The following RNF144B variants were observed in gnomAD, a reference collection of about 807,000 sequenced individuals.
RNF144B encodes E3 ubiquitin-protein ligase RNF144B.
RNF144B carries 25 observed loss-of-function variants against 40.2 expected under a neutral mutation model. The ratio of observed to expected loss-of-function variants is 0.62; its 90% confidence interval spans 0.45 to 0.87. RNF144B has a LOEUF of 0.87. Ranked by LOEUF, RNF144B falls within the 40% of genes least tolerant of loss-of-function variation. The pLI is 0.00. For synonymous variants in RNF144B, 145 were observed against 136.3 expected (o/e 1.06, Z -0.44); for missense variants, 365 against 373.7 (o/e 0.98, Z 0.19).
intron 1 of RNF144B, among the ~76,000 whole-genome samples, chr6:18,394,375 G>A (rs1047275605): frequency 9.9e-5 from 15 of 152,044 alleles, no homozygotes; most frequent in Admixed American, 4.6e-4. Context: ...CGAGGTGGGC[G>A]GATCATGAGG....
intron 4 of RNF144B, among the ~76,000 whole-genome samples, chr6:18,455,426 A>G (rs1260794798): frequency 6.6e-6 from 1 of 152,202 alleles, no homozygotes; most frequent in Non-Finnish European, 1.5e-5. Context: ...AACATTTCAG[A>G]CTTTCTCCTT....
At position 18,446,778 on chromosome 6, in the gene RNF144B, G is replaced by A. The variant is rs1342911147; in HGVS notation, c.331+7034G>A. Among the ~76,000 whole-genome samples the A allele has an allele frequency of 6.6e-6, 1 of 151,976 alleles. No homozygotes were observed. The highest frequency in any genetic ancestry group is 2.4e-5 in the African/African-American group (1 of 41,362). On this transcript the variant is annotated intron_variant, in intron 4 of 7. Coordinates refer to ENST00000259939, the MANE Select transcript of RNF144B (RefSeq NM_182757.4). This position sits in a 1 kb window ranked among gnomAD's most constrained non-coding sequence, Gnocchi z 4.7. ...AGCTACTGGCAGCTAGTGGGTAGAC[G>A]CCAGGGATGCTGCTCAACATCTAAT... is the stretch of plus-strand genomic sequence containing the variant.
Position 18,402,309 on chromosome 6 carries a change from G to C in RNF144B, c.165+2610G>C, listed in dbSNP as rs1794812452. 2.3e-5 allele frequency among the ~76,000 whole-genome samples: 2 copies of C among 87,554 alleles called. 1 individual carries two copies. The highest frequency in any genetic ancestry group is 2.4e-4 in the Admixed American group (2 of 8,462). 57.4% of individuals were successfully genotyped at this position (87,554 alleles called of 152,430 possible). On this transcript the variant is annotated intron_variant, in intron 2 of 7. Transcript: ENST00000259939. ...GGATCCTTCACAGTGCTTCAAATAGGGGGTGCAGTATACTCTGGGTATGCA... is the reference window on the plus strand; with the variant it reads ...GGATCCTTCACAGTGCTTCAAATAGCGGGTGCAGTATACTCTGGGTATGCA...
Position 18,387,486 on chromosome 6 carries a change from G to A in RNF144B, c.-181G>A, listed in dbSNP as rs528616447. On this transcript the variant is annotated 5_prime_UTR_variant, in exon 1 of 8. Coordinates refer to ENST00000259939, the MANE Select transcript of RNF144B (RefSeq NM_182757.4). Reference sequence around the variant, plus strand: ...AAGTCCTGTTGCAGTCTTGCAAAGTGTAAAGCTGTCAGCCGCAGAGCACGG... The same window carrying A: ...AAGTCCTGTTGCAGTCTTGCAAAGTATAAAGCTGTCAGCCGCAGAGCACGG... 9 of 1,293,490 alleles carry A rather than the reference G, an allele frequency of 7.0e-6. No individual in the cohort carries two copies. Among genetic ancestry groups the A allele is most frequent in the Admixed American group, 6.9e-5 (3 of 43,702 alleles). The allele number at this position is 1,293,490 out of a possible 1,614,324, so 80.1% of individuals were successfully genotyped here.
chr6:18,398,751 T>A lies in RNF144B; in HGVS notation c.-36-748T>A, dbSNP rs1042253468. Among the ~76,000 whole-genome samples, 1 of 152,198 alleles carries A rather than the reference T, an allele frequency of 6.6e-6. No individual in the cohort carries two copies. The highest frequency in any genetic ancestry group is 2.4e-5 in the African/African-American group (1 of 41,456). ...TCCACTGTTTGGCTATTGTGAATAATGTTGCTATGAATATGGGTGTACAAA... is the reference window on the plus strand; with the variant it reads ...TCCACTGTTTGGCTATTGTGAATAAAGTTGCTATGAATATGGGTGTACAAA... On this transcript the variant is annotated intron_variant, in intron 1 of 7. Transcript: ENST00000259939. This position sits in a 1 kb window ranked among gnomAD's most constrained non-coding sequence, Gnocchi z 5.0.
rs1759426084 is a variant in RNF144B at position 18,460,503 on chromosome 6, G to T, written c.681+752G>T. Among the ~76,000 whole-genome samples the T allele has an allele frequency of 6.6e-6, 1 of 152,122 alleles. No individual in the cohort carries two copies. The highest frequency in any genetic ancestry group is 2.4e-5 in the African/African-American group (1 of 41,430). On this transcript the variant is annotated intron_variant, in intron 6 of 7. Transcript: ENST00000259939. This position sits in a 1 kb window ranked among gnomAD's most constrained non-coding sequence, Gnocchi z 4.4. ...AATTAGGCCATGATATCTTTGGGAG[G>T]TAGTTATTCTGCCTACCACTATTAG...
chr6:18,448,448 G>A lies in RNF144B; in HGVS notation c.331+8704G>A, dbSNP rs1759132913. On this transcript the variant is annotated intron_variant, in intron 4 of 7. Coordinates refer to ENST00000259939, the MANE Select transcript of RNF144B (RefSeq NM_182757.4). This position sits in a 1 kb window ranked among gnomAD's most constrained non-coding sequence, Gnocchi z 4.0. ...TAAGAAGGAGGGTCAGCAGCTGAGA[G>A]TGAGAAGAGAAAAGGGGTAATGCAG... 1.3e-5 allele frequency among the ~76,000 whole-genome samples: 2 copies of A among 152,102 alleles called. No homozygotes were observed. The highest frequency in any genetic ancestry group is 6.6e-5 in the Admixed American group (1 of 15,266).
At chr6:18,404,188 G>T (rs1794848019) in intron 2 of RNF144B, among the ~76,000 whole-genome samples, 1 of 152,242 alleles carries the variant, frequency 6.6e-6, no homozygotes. Flanking sequence ...GCATGAATCT[G>T]TGGTGGATCT....
chr6:18,421,271 T>TACACACACACACAC (rs200527921), intron 2 of RNF144B, among the ~76,000 whole-genome samples: 3 of 131,010 alleles, frequency 2.3e-5, no homozygotes, highest in Non-Finnish European at 3.3e-5. Context: ...AATTATATAT[T>TACACACACACACAC]ATACACACAC....
In RNF144B at chr6:18,443,218, C is replaced by T. The variant is rs896633071; in HGVS notation, c.331+3474C>T. Among the ~76,000 whole-genome samples the T allele has an allele frequency of 2.6e-5, 4 of 152,056 alleles. No homozygotes were observed. The highest frequency in any genetic ancestry group is 4.4e-5 in the Non-Finnish European group (3 of 68,020). On this transcript the variant is annotated intron_variant, in intron 4 of 7. Coordinates refer to ENST00000259939, the MANE Select transcript of RNF144B (RefSeq NM_182757.4). This position sits in a 1 kb window ranked among gnomAD's most constrained non-coding sequence, Gnocchi z 4.7. ...TTTAACCTCCTCATTTTATGAAAAA[C>T]GTAACAGGCCCAGAGGCAATTTCCT...
chr6:18,419,537 A>G lies in RNF144B; in HGVS notation c.166-8044A>G, dbSNP rs1313928194. Among the ~76,000 whole-genome samples the G allele has an allele frequency of 6.6e-6, 1 of 152,156 alleles. No homozygotes were observed. Among genetic ancestry groups the G allele is most frequent in the East Asian group, 1.9e-4 (1 of 5,196 alleles). On this transcript the variant is annotated intron_variant, in intron 2 of 7. Transcript: ENST00000259939. The surrounding 1 kb of genome is among the most constrained non-coding windows in gnomAD (Gnocchi z 4.6). The stretch of plus-strand genomic sequence containing the variant: ...GATTGAGAAAGAGTGACTAGAGAGG[A>G]AGAATGAAAACCAGAAGAGTATGGG...
rs530336248 is a variant in RNF144B at position 18,422,492 on chromosome 6, G to A, written c.166-5089G>A. On this transcript the variant is annotated intron_variant, in intron 2 of 7. Transcript: ENST00000259939. This position sits in a 1 kb window ranked among gnomAD's most constrained non-coding sequence, Gnocchi z 4.7. ...AGACCTGTCTGGGCTTTGGCCTTTG[G>A]GCACATTCCCCCTCATCACCTTCCT... Among the ~76,000 whole-genome samples the A allele has an allele frequency of 1.6e-4, 24 of 152,192 alleles. No individual in the cohort carries two copies. The highest frequency in any genetic ancestry group is 3.1e-4 in the Non-Finnish European group (21 of 68,014).
At chr6:18,399,801 A>C in intron 2 of RNF144B, 102 bp downstream of exon 2, 1 of 871,070 alleles carries the variant, frequency 1.1e-6, no homozygotes. Context: ...AGTGTGCTAC[A>C]ATATGATCCT....
At chr6:18,423,174 C>G (rs6922849) in intron 2 of RNF144B, among the ~76,000 whole-genome samples, 50,593 of 151,842 alleles carry the variant, frequency 0.33, 9,377 homozygotes, top group East Asian at 0.51. Context: ...GAATGGGGGA[C>G]TCTCCATTTT....
Position 18,465,070 on chromosome 6 carries a change from A to T in RNF144B, c.*3A>T. The T allele has an allele frequency of 6.2e-7, 1 of 1,613,364 alleles. No individual in the cohort carries two copies. Among genetic ancestry groups the T allele is most frequent in the Non-Finnish European group, 8.5e-7 (1 of 1,179,736 alleles). On this transcript the variant is annotated 3_prime_UTR_variant, in exon 8 of 8. Coordinates refer to ENST00000259939, the MANE Select transcript of RNF144B (RefSeq NM_182757.4). ...AGCACGACCCATCCACAACCTAAAGATCTCTGTGTTCATACGCCCCAGATA... is the reference window on the plus strand; with the variant it reads ...AGCACGACCCATCCACAACCTAAAGTTCTCTGTGTTCATACGCCCCAGATA...
rs763154965 is a variant in RNF144B, at chr6:18,446,932, G to A, written c.331+7188G>A. ...AAATATGTCAGGACATCTCCATGAC[G>A]GTAAATTATCCAATCCAAATGTCAA... On this transcript the variant is annotated intron_variant, in intron 4 of 7. Coordinates refer to ENST00000259939, the MANE Select transcript of RNF144B (RefSeq NM_182757.4). This position sits in a 1 kb window ranked among gnomAD's most constrained non-coding sequence, Gnocchi z 4.7. Among the ~76,000 whole-genome samples the A allele has an allele frequency of 7.3e-5, 11 of 150,966 alleles. No individual in the cohort carries two copies. Among genetic ancestry groups the A allele is most frequent in the East Asian group, 2.0e-4 (1 of 5,054 alleles).
At chr6:18,449,482 A>G (rs1322151324) in intron 4 of RNF144B, among the ~76,000 whole-genome samples, 1 of 152,190 alleles carries the variant, frequency 6.6e-6, no homozygotes, top group Non-Finnish European at 1.5e-5. Context: ...CAAGAGATAA[A>G]TCTAAGAAAT....
intron 3 of RNF144B, among the ~76,000 whole-genome samples, chr6:18,436,371 G>A (rs1402052465): frequency 6.6e-6 from 1 of 152,118 alleles, no homozygotes. Flanking sequence ...AAAGACCTTA[G>A]TGGAACAATT....
rs1345464037 is a variant in RNF144B, at chr6:18,406,544, T to C, written c.165+6845T>C. Among the ~76,000 whole-genome samples, 2 of 150,878 alleles carry C rather than the reference T, an allele frequency of 1.3e-5. No homozygotes were observed. Among genetic ancestry groups the C allele is most frequent in the African/African-American group, 4.9e-5 (2 of 40,898 alleles). On this transcript the variant is annotated intron_variant, in intron 2 of 7. Coordinates refer to ENST00000259939, the MANE Select transcript of RNF144B (RefSeq NM_182757.4). This position sits in a 1 kb window ranked among gnomAD's most constrained non-coding sequence, Gnocchi z 4.2. Reference sequence around the variant, plus strand: ...ATGAAGGCTAAGTCCCATGATCTTCTCTCTGCAAGCTGGAGACCCAGGAGA... The same window carrying C: ...ATGAAGGCTAAGTCCCATGATCTTCCCTCTGCAAGCTGGAGACCCAGGAGA...
Sources: allele counts gnomAD v4.1 joint callset (sites outside exome capture counted in the v4.1 genomes callset), GRCh38; gene constraint gnomAD v4.1.1; non-coding constraint Gnocchi (gnomAD v3.1); transcripts MANE v1.5; gene names NCBI Gene and HGNC (gene_info 2026-07-23, HGNC 2026-07-21).